The following RABGAP1L variants were observed in gnomAD, a reference collection of about 807,000 sequenced individuals.
RABGAP1L encodes RAB GTPase activating protein 1 like, also known as rab GTPase-activating protein 1-like.
In RABGAP1L, 63 loss-of-function variants were observed where a neutral mutation model predicts 137.7. The observed-to-expected ratio is 0.46, with a 90% CI of 0.37 to 0.56. The LOEUF (loss-of-function observed/expected upper bound fraction) is 0.56. RABGAP1L is among the 20% of genes least tolerant of loss of function. The probability of loss-of-function intolerance (pLI) is 0.00; values close to 1 mark genes in which losing one functional copy is unlikely to be tolerated. For synonymous variants in RABGAP1L, 431 were observed against 433.7 expected, an observed-to-expected ratio of 0.99 and a Z score of 0.08; for missense variants, 1,095 against 1,244.0, an observed-to-expected ratio of 0.88 and a Z score of 1.80.
intron 1 of RABGAP1L, among the ~76,000 whole-genome samples, chr1:174,202,166 A>T (rs1469270440): frequency 6.6e-6 from 1 of 152,108 alleles, no homozygotes; most frequent in Admixed American, 6.5e-5. Flanking sequence ...GTATATACCC[A>T]GTAATGGGAT....
chr1:174,964,642 G>A (rs537806735), intron 20 of RABGAP1L: 17 of 318,394 alleles, frequency 5.3e-5, no homozygotes, highest in Non-Finnish European at 7.3e-5. Context: ...ACCTCACACC[G>A]TAGTTCCTTA....
intron 18 of RABGAP1L, among the ~76,000 whole-genome samples, chr1:174,780,885 A>G (rs1042578747): frequency 5.3e-5 from 8 of 150,652 alleles, no homozygotes; most frequent in Admixed American, 5.3e-4. Context: ...CCATGTCCCT[A>G]CAAAGGACAT....
At chr1:174,556,235 A>T (rs1666876322) in intron 13 of RABGAP1L, among the ~76,000 whole-genome samples, 2 of 151,930 alleles carry the variant, frequency 1.3e-5, no homozygotes, top group Admixed American at 1.3e-4. Flanking sequence ...TGACCTCATG[A>T]TCTGCCCACT....
At chr1:174,900,893 A>G (rs1234689051) in intron 19 of RABGAP1L, among the ~76,000 whole-genome samples, 1 of 151,628 alleles carries the variant, frequency 6.6e-6, no homozygotes, top group Non-Finnish European at 1.5e-5. Flanking sequence ...ATGTTTTCCA[A>G]CCTGGTTATT....
intron 19 of RABGAP1L, among the ~76,000 whole-genome samples, chr1:174,941,440 A>G (rs1354259801): frequency 1.3e-5 from 2 of 152,222 alleles, no homozygotes; most frequent in African/African-American, 4.8e-5. Context: ...ATAATTTCAA[A>G]TTGGATTGAT....
At chr1:174,563,708 G>A (rs1667375104) in intron 13 of RABGAP1L, among the ~76,000 whole-genome samples, 1 of 152,014 alleles carries the variant, frequency 6.6e-6, no homozygotes, top group Non-Finnish European at 1.5e-5. Flanking sequence ...AGTAAAATGG[G>A]GGAAAATGAT....
chr1:174,974,089 C>T (rs774536945), intron 21 of RABGAP1L, among the ~76,000 whole-genome samples: 5 of 147,512 alleles, frequency 3.4e-5, no homozygotes, highest in East Asian at 4.2e-4. Flanking sequence ...CCTGGTTTCA[C>T]GCCATTCTCC....
At chr1:174,501,905 GT>G (rs370431834) in intron 13 of RABGAP1L, among the ~76,000 whole-genome samples, 18,061 of 143,784 alleles carry the variant, frequency 0.13, 3,582 homozygotes, top group African/African-American at 0.42. Context: ...TAGGATACCT[GT>G]TTTTTTTTTT....
chr1:174,625,441 T>G (rs543577004), intron 13 of RABGAP1L, among the ~76,000 whole-genome samples: 20 of 152,112 alleles, frequency 1.3e-4, no homozygotes, highest in South Asian at 4.2e-4. Flanking sequence ...GTGTGTGTGT[T>G]TGTTTGTTTT....
intron 13 of RABGAP1L, among the ~76,000 whole-genome samples, chr1:174,502,898 C>T (rs866060542): frequency 6.6e-5 from 10 of 151,936 alleles, no homozygotes; most frequent in South Asian, 4.2e-4. Flanking sequence ...CTGTGAATAA[C>T]AGATATGTGG....
chr1:174,702,059 A>G (rs1325436967), intron 16 of RABGAP1L, 54 bp from the exon 17 acceptor site: 2 of 1,548,932 alleles, frequency 1.3e-6, no homozygotes, highest in South Asian at 1.2e-5. Flanking sequence ...CAGGAACTTC[A>G]TTGTTCTGCT....
intron 10 of RABGAP1L, among the ~76,000 whole-genome samples, chr1:174,297,025 T>A (rs897880162): frequency 2.0e-5 from 3 of 152,242 alleles, no homozygotes; most frequent in Admixed American, 1.3e-4. Flanking sequence ...CTGCTGGTGA[T>A]GTTTAGGCAA....
intron 13 of RABGAP1L, among the ~76,000 whole-genome samples, chr1:174,408,472 G>C (rs1649530460): frequency 6.6e-6 from 1 of 152,118 alleles, no homozygotes; most frequent in Non-Finnish European, 1.5e-5. Context: ...ACTGTTGATG[G>C]GCACTTGTGT....
chr1:174,373,598 C>T (rs1685280927), intron 12 of RABGAP1L, among the ~76,000 whole-genome samples: 1 of 152,176 alleles, frequency 6.6e-6, no homozygotes, highest in African/African-American at 2.4e-5. Flanking sequence ...TTTAGTTCCA[C>T]ACTTCTGAAG....
chr1:174,714,544 C>T (rs2148568294), intron 17 of RABGAP1L, among the ~76,000 whole-genome samples: 1 of 152,234 alleles, frequency 6.6e-6, no homozygotes, highest in South Asian at 2.1e-4. Flanking sequence ...TTAAATTCTA[C>T]AGGCTGAAAA....
chr1:174,765,664 A>G (rs369780388), intron 18 of RABGAP1L, among the ~76,000 whole-genome samples: 57 of 151,406 alleles, frequency 3.8e-4, no homozygotes, highest in African/African-American at 1.3e-3. Flanking sequence ...ACAGTTCTTT[A>G]TATGTGCTGG....
intron 7 of RABGAP1L, among the ~76,000 whole-genome samples, chr1:174,263,475 C>G (rs570454062): frequency 1.3e-5 from 2 of 152,200 alleles, no homozygotes; most frequent in East Asian, 3.9e-4. Flanking sequence ...CAAATGCTGA[C>G]TTACAGTATC....
At chr1:174,310,616 T>C (rs747749569) in intron 11 of RABGAP1L, among the ~76,000 whole-genome samples, 1 of 152,344 alleles carries the variant, frequency 6.6e-6, no homozygotes, top group East Asian at 1.9e-4. Context: ...ATAGGTACTT[T>C]GATGTTGAGT....
intron 19 of RABGAP1L, among the ~76,000 whole-genome samples, chr1:174,866,627 A>G (rs1484448699): frequency 6.6e-6 from 1 of 152,120 alleles, no homozygotes; most frequent in East Asian, 1.9e-4. Flanking sequence ...AAATACTACT[A>G]CAGGCCAGGC....
Sources: gnomAD v4.1 joint callset for allele counts (sites outside exome capture counted in the v4.1 genomes callset) on GRCh38, gnomAD v4.1.1 for gene constraint, MANE v1.5 for transcripts, NCBI Gene and HGNC (gene_info 2026-07-23, HGNC 2026-07-21) for gene names.